Variants in RAB3C observed in about 807,000 individuals in gnomAD.
The protein encoded by RAB3C is ras-related protein Rab-3C.
In RAB3C, 17 loss-of-function variants were observed where a neutral mutation model predicts 26.4. The observed-to-expected ratio is 0.64, with a 90% CI of 0.44 to 0.97. The LOEUF is 0.97. Among genes scored for constraint, RAB3C ranks in the 50% least tolerant of loss-of-function variants. The pLI is 0.00. For synonymous variants in RAB3C, 91 were observed against 95.9 expected, an observed-to-expected ratio of 0.95 and a Z score of 0.30; for missense variants, 242 against 281.9, an observed-to-expected ratio of 0.86 and a Z score of 1.01.
chr5:58,797,102 A>G (rs1293351511), intron 3 of RAB3C, among the ~76,000 whole-genome samples: 2 of 151,664 alleles, frequency 1.3e-5, no homozygotes, highest in African/African-American at 4.8e-5. Flanking sequence ...ACTAATGTTT[A>G]TTTGCTAAGT....
chr5:58,583,380 TG>T lies in RAB3C; in HGVS notation c.24+151del. 5 of 1,515,350 alleles carry T rather than the reference TG, an allele frequency of 3.3e-6. No homozygotes were observed. In the Middle Eastern group the frequency reaches 7.6e-4, roughly 231 times the overall value. The allele number at this position is 1,515,350 out of a possible 1,614,324, so 93.9% of individuals were successfully genotyped here. A position where few individuals can be genotyped will look rare whatever the true frequency, so the allele number is the denominator to read the frequency against. On this transcript the variant is annotated intron_variant, in intron 1 of 4. Coordinates refer to ENST00000282878, the MANE Select transcript of RAB3C (RefSeq NM_138453.4). Reference sequence around the variant, plus strand: ...TGTGACATGACCCTGGGAACAGAGTTGGGTTTCTTTACGCTCTGTGTGGCTG... The same window carrying T: ...TGTGACATGACCCTGGGAACAGAGTTGGTTTCTTTACGCTCTGTGTGGCTG...
At chr5:58,620,524 A>G (rs77820144) in intron 2 of RAB3C, among the ~76,000 whole-genome samples, 2,132 of 152,342 alleles carry the variant, frequency 0.014, 44 homozygotes, top group African/African-American at 0.048. Flanking sequence ...ATCAAATTGT[A>G]TAAATATTAT....
chr5:58,590,384 A>G (rs1307016849), intron 1 of RAB3C, among the ~76,000 whole-genome samples: 2 of 152,068 alleles, frequency 1.3e-5, no homozygotes, highest in Non-Finnish European at 2.9e-5. Flanking sequence ...TTATATCAGT[A>G]TTAATGTCAA....
chr5:58,642,911 A>G (rs1196540090), intron 2 of RAB3C, among the ~76,000 whole-genome samples: 1 of 152,244 alleles, frequency 6.6e-6, no homozygotes, highest in Non-Finnish European at 1.5e-5. Context: ...GGCCACACAG[A>G]GGCAAGATTT....
chr5:58,716,801 TAA>T (rs541771825), intron 2 of RAB3C, among the ~76,000 whole-genome samples: 8,430 of 127,388 alleles, frequency 0.066, 794 homozygotes, highest in African/African-American at 0.22. Context: ...GTTCTCTTAT[TAA>T]AAAAAAAAAA....
At chr5:58,606,122 G>A (rs530489704) in intron 1 of RAB3C, among the ~76,000 whole-genome samples, 72 of 152,304 alleles carry the variant, frequency 4.7e-4, no homozygotes, top group Non-Finnish European at 9.1e-4. Context: ...AGCACAAGGG[G>A]TCAGGGATTT....
At chr5:58,721,238 A>T (rs1465857818) in intron 2 of RAB3C, among the ~76,000 whole-genome samples, 5 of 134,616 alleles carry the variant, frequency 3.7e-5, no homozygotes, top group Non-Finnish European at 6.1e-5. Flanking sequence ...AACTGAAATA[A>T]TTTTTTTTTC....
intron 2 of RAB3C, among the ~76,000 whole-genome samples, chr5:58,618,071 CT>C (rs1746863254): frequency 6.6e-6 from 1 of 151,132 alleles, no homozygotes; most frequent in African/African-American, 2.4e-5. Context: ...ATTATTATGC[CT>C]TGTTGTCATG....
chr5:58,590,558 T>C (rs907058368), intron 1 of RAB3C, among the ~76,000 whole-genome samples: 5 of 152,114 alleles, frequency 3.3e-5, no homozygotes, highest in African/African-American at 1.2e-4. Context: ...TTTATTTATT[T>C]TGAAGGCAGA....
At chr5:58,795,200 T>C (rs1742616175) in intron 3 of RAB3C, among the ~76,000 whole-genome samples, 1 of 152,218 alleles carries the variant, frequency 6.6e-6, no homozygotes, top group South Asian at 2.1e-4. Flanking sequence ...TTGCTCCTCC[T>C]TTGCCTTTTG....
chr5:58,613,180 A>C (rs2111712803), intron 1 of RAB3C, among the ~76,000 whole-genome samples: 1 of 152,246 alleles, frequency 6.6e-6, no homozygotes, highest in South Asian at 2.1e-4. Context: ...ACAGTAGTTA[A>C]AATTTAAAAT....
At chr5:58,667,084 G>A (rs1477744466) in intron 2 of RAB3C, among the ~76,000 whole-genome samples, 1 of 152,130 alleles carries the variant, frequency 6.6e-6, no homozygotes, top group East Asian at 1.9e-4. Flanking sequence ...CTTTCCCAAT[G>A]TCTTTTCACC....
chr5:58,757,401 CT>C (rs1456922580), intron 3 of RAB3C, among the ~76,000 whole-genome samples: 3 of 151,620 alleles, frequency 2.0e-5, no homozygotes, highest in Non-Finnish European at 4.4e-5. Flanking sequence ...CTGACATTGA[CT>C]TTTTTTTCTG....
intron 2 of RAB3C, among the ~76,000 whole-genome samples, chr5:58,679,213 G>A (rs1452825716): frequency 6.6e-6 from 1 of 152,188 alleles, no homozygotes; most frequent in Non-Finnish European, 1.5e-5. Flanking sequence ...GAAGGAGAGA[G>A]ATTGAGGGTT....
chr5:58,679,312 G>A (rs1748299585), intron 2 of RAB3C, among the ~76,000 whole-genome samples: 1 of 152,084 alleles, frequency 6.6e-6, no homozygotes, highest in South Asian at 2.1e-4. Flanking sequence ...GAGACTCATT[G>A]CACAATTTGA....
chr5:58,705,096 T>C (rs1435036934), intron 2 of RAB3C, among the ~76,000 whole-genome samples: 1 of 152,152 alleles, frequency 6.6e-6, no homozygotes, highest in African/African-American at 2.4e-5. Context: ...TCCTGGATCT[T>C]TGATAATTTT....
At chr5:58,788,810 TA>T (rs986366017) in intron 3 of RAB3C, among the ~76,000 whole-genome samples, 9 of 152,220 alleles carry the variant, frequency 5.9e-5, no homozygotes, top group Admixed American at 3.9e-4. Context: ...AAATAAGCAA[TA>T]TTTGCTACAG....
At chr5:58,655,986 A>G (rs1225921728) in intron 2 of RAB3C, among the ~76,000 whole-genome samples, 1 of 151,698 alleles carries the variant, frequency 6.6e-6, no homozygotes, top group South Asian at 2.1e-4. Flanking sequence ...TTTAGTAGAG[A>G]CGGGGTTTCA....
intron 4 of RAB3C, among the ~76,000 whole-genome samples, chr5:58,831,638 G>A (rs1390024702): frequency 6.6e-6 from 1 of 152,090 alleles, no homozygotes; most frequent in Admixed American, 6.6e-5. Context: ...TAAAAACCAA[G>A]GTGTTAGAGA....
Sources: allele counts gnomAD v4.1 joint callset (sites outside exome capture counted in the v4.1 genomes callset), GRCh38; gene constraint gnomAD v4.1.1; transcripts MANE v1.5; gene names NCBI Gene and HGNC (gene_info 2026-07-23, HGNC 2026-07-21).